Variants in KHDRBS2 observed in about 807,000 individuals in gnomAD.
The protein encoded by KHDRBS2 is KH domain-containing, RNA-binding, signal transduction-associated protein 2.
KHDRBS2 carries 26 observed loss-of-function variants against 44.3 expected under a neutral mutation model. The observed-to-expected ratio is 0.59, with a 90% confidence interval of 0.43 to 0.81. KHDRBS2 has a LOEUF of 0.81. Ranked by LOEUF, KHDRBS2 falls within the 40% of genes least tolerant of loss-of-function variation. KHDRBS2 has a pLI of 0.00. For missense variants in KHDRBS2, 476 were observed against 433.1 expected, an observed-to-expected ratio of 1.10 and a Z score of -0.88; for synonymous variants, 194 against 151.1, an observed-to-expected ratio of 1.28 and a Z score of -2.08.
the KHDRBS2 span, among the ~76,000 whole-genome samples, chr6:61,627,806 A>T: frequency 6.6e-6 from 1 of 152,242 alleles, no homozygotes; most frequent in East Asian, 1.9e-4. Flanking sequence ...CAAAACCGTA[A>T]TTCTGAATTT....
At chr6:61,963,705 C>G (rs190866500) in intron 4 of KHDRBS2, among the ~76,000 whole-genome samples, 26 of 152,132 alleles carry the variant, frequency 1.7e-4, no homozygotes, top group Non-Finnish European at 3.2e-4. Flanking sequence ...TTCCCTAATA[C>G]AGTCTAATTG....
chr6:61,929,858 G>A (rs894847025), intron 4 of KHDRBS2, among the ~76,000 whole-genome samples: 2 of 152,092 alleles, frequency 1.3e-5, no homozygotes, highest in African/African-American at 4.8e-5. Flanking sequence ...TGTCATCTCT[G>A]GGTTGCCTCA....
At chr6:62,233,972 AATGATTT>A (rs1392168795) in intron 1 of KHDRBS2, among the ~76,000 whole-genome samples, 1 of 152,132 alleles carries the variant, frequency 6.6e-6, no homozygotes, top group Admixed American at 6.6e-5. Flanking sequence ...TTGGTGATAC[AATGATTT>A]ATATTTTTTT....
chr6:61,930,544 A>AGGCT (rs1809835372), intron 4 of KHDRBS2, among the ~76,000 whole-genome samples: 1 of 29,824 alleles, frequency 3.4e-5, no homozygotes, highest in African/African-American at 8.2e-5. Flanking sequence ...AAAAAAAAAA[A>AGGCT]AGAAAAAAAA....
At chr6:61,823,982 C>A (rs1000298247) in intron 6 of KHDRBS2, among the ~76,000 whole-genome samples, 6 of 151,940 alleles carry the variant, frequency 3.9e-5, no homozygotes, top group African/African-American at 1.5e-4. Context: ...GACACAAAAA[C>A]CAAACAGAAA....
At chr6:61,551,614 T>C in the KHDRBS2 span, among the ~76,000 whole-genome samples, 1 of 152,164 alleles carries the variant, frequency 6.6e-6, no homozygotes, top group Non-Finnish European at 1.5e-5. Context: ...ATTTATAGAA[T>C]AGGGAATCCT....
chr6:61,943,701 T>C (rs1388653084), intron 4 of KHDRBS2, among the ~76,000 whole-genome samples: 1 of 151,984 alleles, frequency 6.6e-6, no homozygotes, highest in Non-Finnish European at 1.5e-5. Context: ...AAACAATAAA[T>C]AGTGAAGAGA....
chr6:61,961,453 A>G (rs978844229), intron 4 of KHDRBS2, among the ~76,000 whole-genome samples: 48 of 152,014 alleles, frequency 3.2e-4, no homozygotes, highest in Non-Finnish European at 6.5e-4. Context: ...AGAGAAAAAA[A>G]GAGATGGAGG....
chr6:62,232,942 G>C (rs2150160459), intron 1 of KHDRBS2, among the ~76,000 whole-genome samples: 1 of 152,244 alleles, frequency 6.6e-6, no homozygotes, highest in East Asian at 1.9e-4. Context: ...CAACCAAAGA[G>C]TAGCACTTAC....
chr6:62,196,539 G>T (rs370586150), intron 1 of KHDRBS2, among the ~76,000 whole-genome samples: 1 of 152,098 alleles, frequency 6.6e-6, no homozygotes, highest in Non-Finnish European at 1.5e-5. Flanking sequence ...CATGTCTTGG[G>T]ATTCTTTAGG....
intron 6 of KHDRBS2, among the ~76,000 whole-genome samples, chr6:61,750,219 CT>C (rs1432953922): frequency 6.6e-6 from 1 of 152,116 alleles, no homozygotes; most frequent in African/African-American, 2.4e-5. Context: ...AAAGGTCATT[CT>C]TTTAAAAGTC....
chr6:62,216,071 A>T (rs1162474142), intron 1 of KHDRBS2, among the ~76,000 whole-genome samples: 1 of 151,776 alleles, frequency 6.6e-6, no homozygotes, highest in African/African-American at 2.4e-5. Flanking sequence ...TGCATGTTGG[A>T]TTGATCTTAA....
At chr6:62,223,512 T>C (rs558501266) in intron 1 of KHDRBS2, among the ~76,000 whole-genome samples, 1 of 152,344 alleles carries the variant, frequency 6.6e-6, no homozygotes, top group South Asian at 2.1e-4. Flanking sequence ...TTGTTACTTA[T>C]GCAAATTTCT....
intron 2 of KHDRBS2, among the ~76,000 whole-genome samples, chr6:62,141,782 T>C (rs1257717136): frequency 2.6e-5 from 4 of 152,120 alleles, no homozygotes; most frequent in Admixed American, 2.6e-4. Flanking sequence ...CCTTCGATAA[T>C]TTTCATGTAC....
At chr6:61,769,081 T>A (rs190222275) in intron 6 of KHDRBS2, among the ~76,000 whole-genome samples, 132 of 152,302 alleles carry the variant, frequency 8.7e-4, no homozygotes, top group African/African-American at 3.1e-3. Context: ...AAGAGAATGG[T>A]CTTTTAAACC....
At chr6:61,776,762 A>G (rs1782095626) in intron 6 of KHDRBS2, among the ~76,000 whole-genome samples, 1 of 152,226 alleles carries the variant, frequency 6.6e-6, no homozygotes, top group Non-Finnish European at 1.5e-5. Context: ...TAGAAATACC[A>G]TTAAACCCAG....
intron 6 of KHDRBS2, among the ~76,000 whole-genome samples, chr6:61,749,926 G>A (rs1013477202): frequency 2.0e-5 from 3 of 152,130 alleles, no homozygotes; most frequent in African/African-American, 7.2e-5. Flanking sequence ...AGAATCTTGT[G>A]TTGTCAGTCT....
chr6:61,737,548 C>A (rs1217885273), intron 6 of KHDRBS2, among the ~76,000 whole-genome samples: 4 of 152,036 alleles, frequency 2.6e-5, no homozygotes, highest in African/African-American at 4.8e-5. Context: ...ATGTTAAAAA[C>A]AGACCGTAAG....
At chr6:61,554,985 C>G in the KHDRBS2 span, among the ~76,000 whole-genome samples, 3 of 152,030 alleles carry the variant, frequency 2.0e-5, no homozygotes, top group Non-Finnish European at 4.4e-5. Context: ...GACTATGTGT[C>G]CTGGAGGTGG....
Sources: gnomAD v4.1 joint callset for allele counts (sites outside exome capture counted in the v4.1 genomes callset) on GRCh38, gnomAD v4.1.1 for gene constraint, MANE v1.5 for transcripts, NCBI Gene and HGNC (gene_info 2026-07-23, HGNC 2026-07-21) for gene names.